Variants in DLG2 observed in about 807,000 individuals in gnomAD.
DLG2 encodes discs large MAGUK scaffold protein 2, also known as disks large homolog 2.
DLG2 carries 45 observed loss-of-function variants against 132.5 expected under a neutral mutation model. That is an observed-to-expected ratio of 0.34 (90% CI 0.27 to 0.44). The LOEUF (loss-of-function observed/expected upper bound fraction) is 0.44. DLG2 is among the 20% of genes least tolerant of loss of function. The pLI is 1.00. For missense variants in DLG2, 1,045 were observed against 1,196.9 expected, an observed-to-expected ratio of 0.87 and a Z score of 1.87; for synonymous variants, 424 against 419.6, an observed-to-expected ratio of 1.01 and a Z score of -0.13.
intron 7 of DLG2, among the ~76,000 whole-genome samples, chr11:84,323,478 T>C (rs1040400563): frequency 1.3e-5 from 2 of 152,316 alleles, no homozygotes; most frequent in Non-Finnish European, 2.9e-5. Context: ...CTCTTGGCTA[T>C]TGTGAATAAT....
At chr11:85,282,709 T>C (rs1400609763) in intron 4 of DLG2, among the ~76,000 whole-genome samples, 2 of 151,958 alleles carry the variant, frequency 1.3e-5, no homozygotes, top group African/African-American at 2.4e-5. Context: ...GCAATATATA[T>C]GGGACTATGC....
intron 9 of DLG2, among the ~76,000 whole-genome samples, chr11:84,154,914 G>A (rs888549500): frequency 6.6e-6 from 1 of 152,024 alleles, no homozygotes; most frequent in African/African-American, 2.4e-5. Context: ...ATTGACAAAT[G>A]GTATCTAATT....
intron 4 of DLG2, among the ~76,000 whole-genome samples, chr11:85,264,775 T>G (rs1482294264): frequency 6.6e-6 from 1 of 152,194 alleles, no homozygotes; most frequent in Non-Finnish European, 1.5e-5. Flanking sequence ...CAGGGGTTTT[T>G]CGCAAGAAAC....
chr11:84,881,702 C>T (rs2087373566), intron 6 of DLG2, among the ~76,000 whole-genome samples: 1 of 152,080 alleles, frequency 6.6e-6, no homozygotes, highest in Non-Finnish European at 1.5e-5. Context: ...GATTGCATTG[C>T]CTCCAGATGT....
intron 3 of DLG2, among the ~76,000 whole-genome samples, chr11:85,303,016 T>G (rs190257207): frequency 6.6e-6 from 1 of 152,346 alleles, no homozygotes; most frequent in Admixed American, 6.5e-5. Context: ...TAGTAAGTGA[T>G]GGAACCAGGA....
chr11:84,054,107 C>T (rs1361133065), intron 11 of DLG2, among the ~76,000 whole-genome samples: 6 of 152,030 alleles, frequency 3.9e-5, no homozygotes, highest in Non-Finnish European at 4.4e-5. Context: ...GTAGCTTTCA[C>T]ATTTTTGGTT....
intron 6 of DLG2, among the ~76,000 whole-genome samples, chr11:84,754,693 AC>A (rs2066625595): frequency 1.3e-5 from 2 of 152,328 alleles, no homozygotes; most frequent in South Asian, 4.1e-4. Flanking sequence ...AATACTCCTT[AC>A]AATGTTTTAA....
chr11:83,462,137 C>T (rs1469753248), intron 26 of DLG2, 44 bp from the exon 27 acceptor site: 6 of 1,272,444 alleles, frequency 4.7e-6, no homozygotes, highest in Middle Eastern at 2.0e-4. Flanking sequence ...GGGAATATTC[C>T]AAATCCTAAA....
chr11:85,433,523 C>T (rs771099136), intron 3 of DLG2, among the ~76,000 whole-genome samples: 9 of 152,090 alleles, frequency 5.9e-5, no homozygotes, highest in Non-Finnish European at 1.0e-4. Context: ...TTGTCCTAGT[C>T]TCTGACAAAA....
At chr11:84,901,467 G>C (rs992193881) in intron 6 of DLG2, among the ~76,000 whole-genome samples, 1 of 152,016 alleles carries the variant, frequency 6.6e-6, no homozygotes, top group Non-Finnish European at 1.5e-5. Flanking sequence ...ATTCAATCAG[G>C]AATTTTCCAC....
At chr11:84,820,507 A>G (rs2077550945) in intron 6 of DLG2, among the ~76,000 whole-genome samples, 1 of 151,888 alleles carries the variant, frequency 6.6e-6, no homozygotes. Flanking sequence ...GGACTCACAG[A>G]CAATGCTTTA....
chr11:84,933,278 T>C (rs557884182), intron 6 of DLG2, among the ~76,000 whole-genome samples: 4 of 152,318 alleles, frequency 2.6e-5, no homozygotes, highest in East Asian at 3.9e-4. Context: ...AGCCCTCTAG[T>C]ATATTTTTAA....
chr11:85,112,682 C>T (rs1365646407), intron 5 of DLG2, among the ~76,000 whole-genome samples: 1 of 152,016 alleles, frequency 6.6e-6, no homozygotes, highest in Non-Finnish European at 1.5e-5. Flanking sequence ...GAGTATTATG[C>T]TCACTTTCTA....
At chr11:83,811,220 T>C (rs2047175838) in intron 17 of DLG2, among the ~76,000 whole-genome samples, 1 of 152,114 alleles carries the variant, frequency 6.6e-6, no homozygotes, top group African/African-American at 2.4e-5. Flanking sequence ...AGCTTTTGCT[T>C]TTACTATGGG....
At chr11:84,604,563 G>A (rs1453661222) in intron 6 of DLG2, among the ~76,000 whole-genome samples, 1 of 151,940 alleles carries the variant, frequency 6.6e-6, no homozygotes, top group African/African-American at 2.4e-5. Context: ...AGTGTTCTAA[G>A]TGCTAGAGAT....
intron 11 of DLG2, among the ~76,000 whole-genome samples, chr11:83,996,023 C>T (rs1056868109): frequency 6.6e-6 from 1 of 151,960 alleles, no homozygotes; most frequent in Non-Finnish European, 1.5e-5. Flanking sequence ...AAACAATCAA[C>T]AAAGTGAAGA....
chr11:84,112,113 T>G (rs1311594669), intron 9 of DLG2, among the ~76,000 whole-genome samples: 1 of 151,772 alleles, frequency 6.6e-6, no homozygotes, highest in African/African-American at 2.4e-5. Flanking sequence ...CCCGGGTTCA[T>G]GCCATTCTCC....
intron 9 of DLG2, among the ~76,000 whole-genome samples, chr11:84,160,732 T>C (rs1410930538): frequency 3.9e-5 from 6 of 152,250 alleles, no homozygotes; most frequent in East Asian, 3.9e-4. Context: ...AGGAAAATCA[T>C]TCAATGGATA....
chr11:85,556,179 A>T (rs1031258815), intron 3 of DLG2, among the ~76,000 whole-genome samples: 4 of 151,868 alleles, frequency 2.6e-5, no homozygotes, highest in Non-Finnish European at 5.9e-5. Context: ...GGAATCAAAT[A>T]CAAGAAGTCT....
Sources: allele counts gnomAD v4.1 joint callset (sites outside exome capture counted in the v4.1 genomes callset), GRCh38; gene constraint gnomAD v4.1.1; transcripts MANE v1.5; gene names NCBI Gene and HGNC (gene_info 2026-07-23, HGNC 2026-07-21).